The following PLEKHA6 variants were observed in gnomAD, a reference collection of about 807,000 sequenced individuals.
The protein encoded by PLEKHA6 is pleckstrin homology domain containing A6, also known as pleckstrin homology domain-containing family A member 6.
A neutral mutation model predicts 116.7 loss-of-function variants in PLEKHA6; 60 were observed. The ratio of observed to expected loss-of-function variants is 0.51; its 90% CI spans 0.42 to 0.64. The LOEUF (loss-of-function observed/expected upper bound fraction) is 0.64, where lower values mean the gene tolerates loss of function less well. Among genes scored for constraint, PLEKHA6 ranks in the 30% least tolerant of loss-of-function variants. The probability of loss-of-function intolerance (pLI) is 0.00; values close to 1 mark genes in which losing one functional copy is unlikely to be tolerated. For missense variants in PLEKHA6, 1,338 were observed against 1,422.7 expected (o/e 0.94, Z 0.96); for synonymous variants, 489 against 556.1 (o/e 0.88, Z 1.70).
intron 1 of PLEKHA6, 170 bp downstream of exon 1, chr1:204,359,524 C>T: frequency 2.6e-6 from 2 of 755,806 alleles, no homozygotes; most frequent in South Asian, 1.2e-4. Flanking sequence ...TTAGCATTCT[C>T]AGCATCCATG....
intron 9 of PLEKHA6, among the ~76,000 whole-genome samples, chr1:204,253,454 G>A (rs1044746063): frequency 6.6e-6 from 1 of 152,160 alleles, no homozygotes; most frequent in Non-Finnish European, 1.5e-5. Flanking sequence ...CCCTGGGGGC[G>A]AAGCCTACAG....
chr1:204,358,333 C>A (rs1673471369), intron 1 of PLEKHA6, among the ~76,000 whole-genome samples: 1 of 152,070 alleles, frequency 6.6e-6, no homozygotes, highest in South Asian at 2.1e-4. Flanking sequence ...AGCCTAGCCG[C>A]TCCCACCTCC....
chr1:204,227,090 A>G (rs1660464889), intron 21 of PLEKHA6, among the ~76,000 whole-genome samples: 2 of 152,174 alleles, frequency 1.3e-5, no homozygotes, highest in Admixed American at 6.5e-5. Flanking sequence ...CTCCTCAATC[A>G]CCAACATGAA....
chr1:204,256,570 CA>C (rs1665317991), intron 9 of PLEKHA6, among the ~76,000 whole-genome samples: 1 of 152,204 alleles, frequency 6.6e-6, no homozygotes, highest in Non-Finnish European at 1.5e-5. Flanking sequence ...TCCCAGATCT[CA>C]TCCCTCCTCC....
At position 204,257,785 on chromosome 1, in the gene PLEKHA6, G is replaced by A; in HGVS notation, c.1092C>T (p.Tyr364=). 6.2e-7 allele frequency: 1 copy of A among 1,614,070 alleles called. No homozygotes were observed. The highest frequency in any genetic ancestry group is 8.5e-7 in the Non-Finnish European group (1 of 1,179,996). The part of the protein sequence containing the change: ...YSSQYPDDYQ[Y]YPPGVRPESI... Reference sequence around the variant, plus strand: ...TCTCCGGCCGCACTCCTGGCGGGTAGTACTGATAATCATCGGGGTACTGGG... The same window carrying A: ...TCTCCGGCCGCACTCCTGGCGGGTAATACTGATAATCATCGGGGTACTGGG... The change falls in exon 9 of 23, where the codon TAC becomes TAT. Residue 364 remains tyrosine, a synonymous_variant. Transcript: ENST00000272203. This position sits in a 1 kb window ranked among gnomAD's most constrained non-coding sequence, Gnocchi z 6.5.
chr1:204,276,647 C>G (rs1247385881), intron 1 of PLEKHA6, among the ~76,000 whole-genome samples: 1 of 146,792 alleles, frequency 6.8e-6, no homozygotes, highest in Non-Finnish European at 1.5e-5. Context: ...GACACACACA[C>G]ACACACACAC....
upstream of PLEKHA6, among the ~76,000 whole-genome samples, chr1:204,364,329 AGCAAGGTGCCAAGGAT>A: frequency 6.6e-6 from 1 of 152,228 alleles, no homozygotes; most frequent in Non-Finnish European, 1.5e-5. Context: ...CGTTTGTCCA[AGCAAGGTGCCAAGGAT>A]GCTGGGAAGC....
At chr1:204,319,737 TC>T (rs1209305258) in intron 1 of PLEKHA6, among the ~76,000 whole-genome samples, 1 of 152,216 alleles carries the variant, frequency 6.6e-6, no homozygotes, top group African/African-American at 2.4e-5. Context: ...ATCTTTGCAT[TC>T]CTGGTATCTG....
At chr1:204,370,689 T>G (rs1673756890) in intron 2 of PLEKHA6, among the ~76,000 whole-genome samples, 1 of 152,186 alleles carries the variant, frequency 6.6e-6, no homozygotes, top group Admixed American at 6.5e-5. Flanking sequence ...TCCCCTTTCA[T>G]GTTTCTCCTC....
At chr1:204,316,090 T>C (rs898783549) in intron 1 of PLEKHA6, among the ~76,000 whole-genome samples, 2 of 152,206 alleles carry the variant, frequency 1.3e-5, no homozygotes, top group Non-Finnish European at 2.9e-5. Flanking sequence ...ATGCATGTAA[T>C]GCAATGCGCG....
intron 1 of PLEKHA6, chr1:204,317,097 G>T (rs1671888707): frequency 4.2e-6 from 1 of 238,980 alleles, no homozygotes. Context: ...CTGTAGAATG[G>T]AATGGAACCT....
intron 5 of PLEKHA6, among the ~76,000 whole-genome samples, chr1:204,266,655 C>G (rs964357345): frequency 6.6e-6 from 1 of 152,196 alleles, no homozygotes; most frequent in Admixed American, 6.5e-5. Context: ...TGCAGGGTCA[C>G]TGGGTACAAC....
intron 1 of PLEKHA6, among the ~76,000 whole-genome samples, chr1:204,287,036 T>C (rs1177783887): frequency 1.3e-5 from 2 of 152,080 alleles, no homozygotes; most frequent in Admixed American, 6.5e-5. Flanking sequence ...GAATCTGCTT[T>C]CTAAACTGGC....
chr1:204,368,036 G>C (rs892813964), intron 2 of PLEKHA6, among the ~76,000 whole-genome samples: 1 of 152,246 alleles, frequency 6.6e-6, no homozygotes, highest in African/African-American at 2.4e-5. Context: ...ATTTCTAGCA[G>C]TGAGATTCCC....
At chr1:204,340,109 T>G (rs1471779405) in intron 1 of PLEKHA6, among the ~76,000 whole-genome samples, 1 of 152,150 alleles carries the variant, frequency 6.6e-6, no homozygotes, top group African/African-American at 2.4e-5. Flanking sequence ...GCATGAGAAT[T>G]GGAAGGAGAC....
chr1:204,235,310 G>A (rs986039598), intron 17 of PLEKHA6, among the ~76,000 whole-genome samples: 33 of 152,086 alleles, frequency 2.2e-4, no homozygotes, highest in Admixed American at 2.2e-3. Context: ...GGTTCATTGA[G>A]AGGCAAGGAG....
Position 204,230,582 on chromosome 1 carries a change from C to A in PLEKHA6, c.2414G>T (p.Arg805Leu). The A allele has an allele frequency of 1.2e-6, 2 of 1,600,012 alleles. No homozygotes were observed. Among genetic ancestry groups the A allele is most frequent in the Non-Finnish European group, 8.5e-7 (1 of 1,173,654 alleles). Reference sequence around the variant, plus strand: ...GCCAGGAAACACAGCACTCTTGGGGCGTTCCTGCTGCCATGGGAAAACAGG... The same window carrying A: ...GCCAGGAAACACAGCACTCTTGGGGAGTTCCTGCTGCCATGGGAAAACAGG... ...GLTNGLSSQE[R>L]PKSAVFPGEG... The change falls in exon 18 of 23, where the codon CGC becomes CTC. Residue 805 changes from arginine to leucine, a missense_variant. By Grantham distance (102) the Arg-to-Leu change is moderately radical (BLOSUM62 -2). This residue lies in a region of PLEKHA6 where 1,136 missense variants were observed against 1,163.6 expected (regional missense o/e 0.98). Transcript: ENST00000272203.
chr1:204,376,804 G>A (rs1022592673), intron 1 of PLEKHA6, among the ~76,000 whole-genome samples: 2 of 152,208 alleles, frequency 1.3e-5, no homozygotes, highest in East Asian at 3.8e-4. Context: ...AGCTCGTCAA[G>A]TGTGGGTAAC....
chr1:204,375,684 C>T, intron 1 of PLEKHA6, among the ~76,000 whole-genome samples: 1 of 152,024 alleles, frequency 6.6e-6, no homozygotes, highest in East Asian at 1.9e-4. Context: ...GATGTCAAGT[C>T]CCAGTTTGAA....
Sources: gnomAD v4.1 joint callset for allele counts (sites outside exome capture counted in the v4.1 genomes callset) on GRCh38, gnomAD v4.1.1 for gene constraint, gnomAD v4.1.1 regional missense constraint, Gnocchi (gnomAD v3.1) non-coding constraint, MANE v1.5 for transcripts, NCBI Gene and HGNC (gene_info 2026-07-23, HGNC 2026-07-21) for gene names.